The following DNAH9 variants were observed in gnomAD, a reference collection of about 807,000 sequenced individuals.
The protein encoded by DNAH9 is DNAH9 variant protein.
A neutral mutation model predicts 471.6 loss-of-function variants in DNAH9; 345 were observed. The observed-to-expected ratio is 0.73, with a 90% CI of 0.67 to 0.80. DNAH9 has a LOEUF of 0.80. DNAH9 is among the 30% of genes least tolerant of loss of function. DNAH9 has a pLI of 0.00. For synonymous variants in DNAH9, 2,093 were observed against 2,123.6 expected (o/e 0.99, Z 0.40); for missense variants, 5,407 against 5,609.2 (o/e 0.96, Z 1.15).
intron 3 of DNAH9, among the ~76,000 whole-genome samples, chr17:11,611,254 C>A (rs2072631157): frequency 6.6e-6 from 1 of 152,218 alleles, no homozygotes. Context: ...GTCTGTACCA[C>A]CCTGCTGAGA....
chr17:11,640,177 G>A, intron 9 of DNAH9, 93 bp from the exon 10 acceptor site: 1 of 723,832 alleles, frequency 1.4e-6, no homozygotes. Context: ...AGATAATGAG[G>A]CAAAAGTGGA....
chr17:11,881,414 G>T lies in DNAH9; in HGVS notation c.10806+1G>T. 6.2e-7 allele frequency: 1 copy of T among 1,611,548 alleles called. No individual in the cohort carries two copies. Among genetic ancestry groups the T allele is most frequent in the Non-Finnish European group, 8.5e-7 (1 of 1,178,992 alleles). On this transcript the variant is annotated splice_donor_variant, in intron 55 of 68. Coordinates refer to ENST00000262442, the MANE Select transcript of DNAH9 (RefSeq NM_001372.4). LOFTEE classifies it high-confidence loss of function. Reference sequence around the variant, plus strand: ...GAGGCCAGACTTGGAGCAGCTGAAGGTGAGGACAGAAGGGAGAAAATGTTC... The same window carrying T: ...GAGGCCAGACTTGGAGCAGCTGAAGTTGAGGACAGAAGGGAGAAAATGTTC...
At chr17:11,823,446 T>C (rs1970385318) in intron 48 of DNAH9, among the ~76,000 whole-genome samples, 1 of 152,118 alleles carries the variant, frequency 6.6e-6, no homozygotes, top group Admixed American at 6.5e-5. Flanking sequence ...CCTTCCATCC[T>C]CAAAACCAAA....
chr17:11,950,652 C>G (rs992062445), intron 67 of DNAH9, among the ~76,000 whole-genome samples: 1 of 152,064 alleles, frequency 6.6e-6, no homozygotes. Flanking sequence ...AGGCATGAGC[C>G]ACTGTGCCTG....
Position 11,705,152 on chromosome 17 carries a change from C to T in DNAH9, c.5519C>T (p.Thr1840Ile). Residue 1840 changes from threonine (T) to isoleucine (I), a missense_variant, in exon 26 of 69, where the codon ACA becomes ATA. This residue lies in a region of DNAH9 where 4,636 missense variants were observed against 4,900.3 expected (regional missense o/e 0.95). Transcript: ENST00000262442. ...FLYSYEYLGNTPRLVITPLTD... is the reference protein window; with the variant it reads ...FLYSYEYLGNIPRLVITPLTD... ...TATTCCTATGAGTACCTGGGAAACA[C>T]ACCTCGCTTGGTGATCACACCTTTG... 6.2e-7 allele frequency: 1 copy of T among 1,614,200 alleles called. No homozygotes were observed. Among genetic ancestry groups the T allele is most frequent in the Non-Finnish European group, 8.5e-7 (1 of 1,180,012 alleles).
chr17:11,843,863 G>GTGTGTGTATATATATATA lies in DNAH9; in HGVS notation c.9507+8966_9507+8967insGTGTGTATATATATATAT, dbSNP rs1253794533. Reference sequence around the variant, plus strand: ...TGTTTGTGTGTGTGTGTGTGTGTGTGTATATATATATATATATATATATAT... The same window carrying GTGTGTGTATATATATATA: ...TGTTTGTGTGTGTGTGTGTGTGTGTGTGTGTGTATATATATATATATATATATATATATATATATATAT... On this transcript the variant is annotated intron_variant, in intron 49 of 68. Transcript: ENST00000262442. Among the ~76,000 whole-genome samples the GTGTGTGTATATATATATA allele has an allele frequency of 4.2e-3, 196 of 46,434 alleles. 2 individuals are homozygous for GTGTGTGTATATATATATA. Among genetic ancestry groups the GTGTGTGTATATATATATA allele is most frequent in the African/African-American group, 0.01 (125 of 12,352 alleles). The allele number at this position is 46,434 out of a possible 152,430, so 30.5% of individuals were successfully genotyped here.
At position 11,756,619 on chromosome 17, in the gene DNAH9, C is replaced by T. The variant is rs747945393; in HGVS notation, c.6790C>T (p.Leu2264Phe). 2 of 1,613,950 alleles carry T rather than the reference C, an allele frequency of 1.2e-6. No homozygotes were observed. The highest frequency in any genetic ancestry group is 1.7e-6 in the Non-Finnish European group (2 of 1,179,860). ...ERIPLNPTMKLLFEISHLRTA... is the reference protein window; with the variant it reads ...ERIPLNPTMKFLFEISHLRTA... ...GATTCCTCTGAACCCCACCATGAAG[C>T]TCCTCTTTGAGATCAGCCACCTGCG... Residue 2264 changes from leucine (L) to phenylalanine (F), a missense_variant, in exon 34 of 69, where the codon CTC becomes TTC. By Grantham distance (22) the Leu-to-Phe change is conservative. Around this residue, in one of 3 missense-constraint regions of DNAH9, gnomAD observed 4,636 missense variants for 4,900.3 expected, o/e 0.95. Coordinates refer to ENST00000262442, the MANE Select transcript of DNAH9 (RefSeq NM_001372.4).
At chr17:11,612,670 A>G (rs2072663516) in intron 4 of DNAH9, 1 of 152,110 alleles carries the variant, frequency 6.6e-6, no homozygotes, top group African/African-American at 2.4e-5. Context: ...AAGTAGGTAA[A>G]TTTTTTTAGG....
At chr17:11,951,274 T>C (rs1975352214) in intron 67 of DNAH9, among the ~76,000 whole-genome samples, 1 of 152,194 alleles carries the variant, frequency 6.6e-6, no homozygotes, top group Admixed American at 6.5e-5. Flanking sequence ...GTTGGACTCA[T>C]TTCACTTTTG....
At chr17:11,802,965 A>G (rs1969522082) in intron 43 of DNAH9, among the ~76,000 whole-genome samples, 1 of 152,194 alleles carries the variant, frequency 6.6e-6, no homozygotes. Flanking sequence ...ATTGGTTGGG[A>G]TGCTTTGGGA....
At chr17:11,733,407 C>T (rs1169810126) in intron 28 of DNAH9, among the ~76,000 whole-genome samples, 1 of 152,220 alleles carries the variant, frequency 6.6e-6, no homozygotes, top group African/African-American at 2.4e-5. Flanking sequence ...GATACAGGGA[C>T]AGAACCCTCT....
intron 50 of DNAH9, among the ~76,000 whole-genome samples, chr17:11,857,674 C>T (rs72815413): frequency 0.025 from 3,813 of 152,280 alleles, 74 homozygotes; most frequent in Middle Eastern, 0.051. Context: ...CTGCCCAAAT[C>T]GCATGTTGAA....
intron 53 of DNAH9, among the ~76,000 whole-genome samples, chr17:11,878,756 T>C (rs1972605968): frequency 1.3e-5 from 2 of 152,134 alleles, no homozygotes; most frequent in Admixed American, 1.3e-4. Flanking sequence ...TGTCTCACCA[T>C]ATTGCCCAGG....
At position 11,727,047 on chromosome 17, in the gene DNAH9, C is replaced by CAAAAAAAAA. The variant is rs55659834; in HGVS notation, c.5710-749_5710-741dup. Among the ~76,000 whole-genome samples the CAAAAAAAAA allele has an allele frequency of 1.7e-3, 115 of 68,470 alleles. 5 individuals are homozygous for CAAAAAAAAA. Among genetic ancestry groups the CAAAAAAAAA allele is most frequent in the African/African-American group, 5.8e-3 (92 of 15,742 alleles). 44.9% of individuals were successfully genotyped at this position (68,470 alleles called of 152,430 possible). On this transcript the variant is annotated intron_variant, in intron 27 of 68. Transcript: ENST00000262442. ...TGGGCAACAGAGTGAGACTCCGTCTCAAAAAAAAAAAAAAAAAAAAAAAAA... is the reference window on the plus strand; with the variant it reads ...TGGGCAACAGAGTGAGACTCCGTCTCAAAAAAAAAAAAAAAAAAAAAAAAAAAAAAAAAA...
intron 10 of DNAH9, among the ~76,000 whole-genome samples, chr17:11,642,897 CAG>C (rs34579482): frequency 0.11 from 17,372 of 152,034 alleles, 1,269 homozygotes; most frequent in East Asian, 0.3. Context: ...ACTGAGTAAT[CAG>C]GGGGAAAAAA....
intron 38 of DNAH9, among the ~76,000 whole-genome samples, chr17:11,772,677 C>T (rs1968256296): frequency 6.6e-6 from 1 of 152,148 alleles, no homozygotes. Context: ...TCACCAAAAC[C>T]CAACACTTTC....
intron 42 of DNAH9, among the ~76,000 whole-genome samples, chr17:11,796,720 TAGAA>T (rs763342674): frequency 1.5e-4 from 23 of 152,364 alleles, no homozygotes; most frequent in Admixed American, 1.2e-3. Flanking sequence ...ATTTGTGTCT[TAGAA>T]AGCCTATTCT....
intron 61 of DNAH9, among the ~76,000 whole-genome samples, chr17:11,907,260 C>T (rs184929404): frequency 5.8e-4 from 89 of 152,188 alleles, no homozygotes; most frequent in African/African-American, 2.1e-3. Context: ...TACCTGAGGT[C>T]AGGAGTTCGA....
intron 61 of DNAH9, among the ~76,000 whole-genome samples, chr17:11,921,322 C>G (rs1453530054): frequency 6.6e-6 from 1 of 151,870 alleles, no homozygotes; most frequent in Admixed American, 6.6e-5. Flanking sequence ...AAATGTTCCC[C>G]TTCCAACGCC....
Sources: allele counts gnomAD v4.1 joint callset (sites outside exome capture counted in the v4.1 genomes callset), GRCh38; gene constraint gnomAD v4.1.1; regional missense constraint gnomAD v4.1.1; transcripts MANE v1.5; gene names NCBI Gene and HGNC (gene_info 2026-07-23, HGNC 2026-07-21).